The following CFAP54 variants were observed in gnomAD, a reference collection of about 807,000 sequenced individuals.
The protein encoded by CFAP54 is cilia and flagella associated protein 54.
A neutral mutation model predicts 370.4 loss-of-function variants in CFAP54; 290 were observed. That is an observed-to-expected ratio of 0.78 (90% CI 0.71 to 0.86). CFAP54 has a LOEUF of 0.86. Among genes scored for constraint, CFAP54 ranks in the 40% least tolerant of loss-of-function variants. The pLI is 0.00. For synonymous variants in CFAP54, 1,206 were observed against 1,236.5 expected, an observed-to-expected ratio of 0.98 and a Z score of 0.52; for missense variants, 3,399 against 3,528.7, an observed-to-expected ratio of 0.96 and a Z score of 0.93.
At chr12:96,757,746 GAT>G (rs1958279542) in intron 58 of CFAP54, among the ~76,000 whole-genome samples, 158 bp downstream of exon 58, 1 of 152,116 alleles carries the variant, frequency 6.6e-6, no homozygotes, top group Admixed American at 6.5e-5. Flanking sequence ...GTTACAAAGA[GAT>G]ATCTCTTTGG....
intron 26 of CFAP54, among the ~76,000 whole-genome samples, chr12:96,608,560 C>G (rs1956324807): frequency 6.8e-6 from 1 of 146,712 alleles, no homozygotes; most frequent in Admixed American, 7.1e-5. Context: ...CTCTCCAGTT[C>G]AAGTGATTCT....
intron 22 of CFAP54, among the ~76,000 whole-genome samples, chr12:96,583,201 A>AT (rs538905913): frequency 5.9e-5 from 9 of 151,504 alleles, no homozygotes; most frequent in Non-Finnish European, 1.0e-4. Flanking sequence ...GTATCTGGAA[A>AT]TTTTTTTTTG....
chr12:96,645,459 C>T (rs1334670508), intron 33 of CFAP54: 1 of 186,456 alleles, frequency 5.4e-6, no homozygotes, highest in Admixed American at 5.5e-5. Flanking sequence ...AGGATACAAA[C>T]CAGTGGAAGA....
intron 56 of CFAP54, among the ~76,000 whole-genome samples, chr12:96,755,803 G>A (rs1485213813): frequency 6.6e-6 from 1 of 151,580 alleles, no homozygotes; most frequent in Non-Finnish European, 1.5e-5. Context: ...GAGTGGCTGG[G>A]ATTACAGGCG....
At chr12:96,505,051 CTTCCTTTCT>C (rs1955081777) in intron 3 of CFAP54, among the ~76,000 whole-genome samples, 1 of 125,308 alleles carries the variant, frequency 8.0e-6, no homozygotes, top group Non-Finnish European at 1.7e-5. Flanking sequence ...TTCTTCCTTT[CTTCCTTTCT>C]TTCCTTTCTT....
intron 39 of CFAP54, among the ~76,000 whole-genome samples, chr12:96,674,074 T>C (rs528374757): frequency 7.0e-4 from 106 of 152,354 alleles, no homozygotes; most frequent in African/African-American, 2.3e-3. Context: ...CTGGGATCAC[T>C]CTCTTGAGTT....
chr12:96,768,509 C>T (rs367795666), intron 60 of CFAP54, among the ~76,000 whole-genome samples: 2 of 151,530 alleles, frequency 1.3e-5, no homozygotes, highest in East Asian at 1.9e-4. Context: ...AAAAATTAGC[C>T]GGGTATGGTG....
intron 66 of CFAP54, among the ~76,000 whole-genome samples, chr12:96,854,788 A>G (rs1959653973): frequency 6.6e-6 from 1 of 152,186 alleles, no homozygotes; most frequent in South Asian, 2.1e-4. Flanking sequence ...TATAGGAACT[A>G]TTATAATGTC....
chr12:96,550,279 G>A lies in CFAP54; in HGVS notation c.2154+2301G>A, dbSNP rs570198758. 1.2e-4 allele frequency among the ~76,000 whole-genome samples: 18 copies of A among 151,966 alleles called. No individual in the cohort carries two copies. In the South Asian group the frequency reaches 1.7e-3, roughly 14 times the overall value. Reference sequence around the variant, plus strand: ...TGTGGGGTCTTTGAAATTTTTTGATGTTAAAAAGATACCCTGGCTGGGCGT... The same window carrying A: ...TGTGGGGTCTTTGAAATTTTTTGATATTAAAAAGATACCCTGGCTGGGCGT... On this transcript the variant is annotated intron_variant, in intron 15 of 67. Transcript: ENST00000524981.
chr12:96,656,203 A>G (rs1956921071), intron 36 of CFAP54, among the ~76,000 whole-genome samples: 2 of 152,130 alleles, frequency 1.3e-5, no homozygotes, highest in South Asian at 4.1e-4. Context: ...CTCAATCTCC[A>G]TATGCTATTT....
At chr12:96,874,994 T>C (rs1960271459) in intron 67 of CFAP54, 124 bp from the exon 68 acceptor site, 2 of 152,092 alleles carry the variant, frequency 1.3e-5, no homozygotes, top group South Asian at 4.1e-4. Context: ...TTTGGTCAGG[T>C]CTGTTGAGGA....
rs183646457 is a variant in CFAP54, at chr12:96,630,964, G to A, written c.4316+313G>A. Among the ~76,000 whole-genome samples, 79 of 152,076 alleles carry A rather than the reference G, an allele frequency of 5.2e-4. 3 individuals carry two copies. In the East Asian group the frequency reaches 0.011, roughly 21 times the overall value. Reference sequence around the variant, plus strand: ...TTGGTAAATTATCAGTGAACCTAAAGTTCTTGATTATAAAATATATTATGG... The same window carrying A: ...TTGGTAAATTATCAGTGAACCTAAAATTCTTGATTATAAAATATATTATGG... On this transcript the variant is annotated intron_variant, in intron 32 of 67. Transcript: ENST00000524981.
intron 24 of CFAP54, among the ~76,000 whole-genome samples, chr12:96,593,722 C>T (rs2136436559): frequency 6.6e-6 from 1 of 151,790 alleles, no homozygotes; most frequent in African/African-American, 2.4e-5. Context: ...AAATCTTTCC[C>T]CAGGAAAGGA....
At chr12:96,655,712 A>G (rs762464956) in intron 36 of CFAP54, among the ~76,000 whole-genome samples, 2 of 152,174 alleles carry the variant, frequency 1.3e-5, no homozygotes, top group Non-Finnish European at 2.9e-5. Flanking sequence ...TGAAATCTAT[A>G]AATTAAAAAA....
intron 20 of CFAP54, 48 bp from the exon 21 acceptor site, chr12:96,580,549 T>C (rs1956022352): frequency 1.0e-6 from 1 of 989,370 alleles, no homozygotes; most frequent in Non-Finnish European, 1.4e-6. Flanking sequence ...TTTGTTACAT[T>C]GATATAAAAG....
chr12:96,753,571 GA>G (rs1213102563), intron 55 of CFAP54, among the ~76,000 whole-genome samples, 171 bp from the exon 56 acceptor site: 2 of 152,154 alleles, frequency 1.3e-5, no homozygotes, highest in Non-Finnish European at 2.9e-5. Context: ...GTAGTTCATT[GA>G]AATATTGGGT....
intron 65 of CFAP54, among the ~76,000 whole-genome samples, chr12:96,823,868 A>AT (rs1381797446): frequency 6.6e-6 from 1 of 152,168 alleles, no homozygotes; most frequent in Non-Finnish European, 1.5e-5. Flanking sequence ...CCACCCTATG[A>AT]TTTGCCAAGA....
chr12:96,566,141 T>C (rs1955863449), intron 19 of CFAP54, among the ~76,000 whole-genome samples: 1 of 152,216 alleles, frequency 6.6e-6, no homozygotes, highest in Non-Finnish European at 1.5e-5. Context: ...CTCTTTTCTT[T>C]ATAAATTACC....
intron 9 of CFAP54, 90 bp downstream of exon 9, chr12:96,527,534 G>T (rs1955396439): frequency 5.5e-6 from 4 of 733,590 alleles, no homozygotes; most frequent in Non-Finnish European, 8.0e-6. Flanking sequence ...ATAGGAAACT[G>T]ATAACATTTA....
Sources: gnomAD v4.1 joint callset for allele counts (sites outside exome capture counted in the v4.1 genomes callset) on GRCh38, gnomAD v4.1.1 for gene constraint, MANE v1.5 for transcripts, NCBI Gene and HGNC (gene_info 2026-07-23, HGNC 2026-07-21) for gene names.